Variants in CLVS1 observed in about 807,000 individuals in gnomAD.
CLVS1 encodes the protein clavesin-1.
In CLVS1, 10 loss-of-function variants were observed where a neutral mutation model predicts 33.1. That is an observed-to-expected ratio of 0.30 (90% CI 0.19 to 0.51). The LOEUF (loss-of-function observed/expected upper bound fraction) is 0.51. CLVS1 is among the 20% of genes least tolerant of loss of function. The pLI is 0.97. For synonymous variants in CLVS1, 163 were observed against 166.1 expected (o/e 0.98, Z 0.14); for missense variants, 343 against 433.4 (o/e 0.79, Z 1.85).
chr8:61,253,566 C>A (rs1048401951), intron 2 of CLVS1, among the ~76,000 whole-genome samples: 1 of 152,144 alleles, frequency 6.6e-6, no homozygotes, highest in African/African-American at 2.4e-5. Flanking sequence ...ACCAATCAGA[C>A]GTAGATTTGG....
rs765358356 is a variant in CLVS1 at position 61,454,114 on chromosome 8, G to A, written c.631-27G>A. ...TCTAACAAGGTGTGCTTACTAATCG[G>A]TGTGCATTTCTCTCTTTCTGCCCCA... On this transcript the variant is annotated intron_variant, in intron 3 of 5. Coordinates refer to ENST00000325897, the MANE Select transcript of CLVS1 (RefSeq NM_173519.3). The A allele has an allele frequency of 2.7e-6, 4 of 1,484,892 alleles. No homozygotes were observed. In the African/African-American group the frequency reaches 5.5e-5, roughly 21 times the overall value. 92.0% of individuals were successfully genotyped at this position (1,484,892 alleles called of 1,614,324 possible).
chr8:61,268,108 T>C (rs1809350282), intron 2 of CLVS1, among the ~76,000 whole-genome samples: 1 of 151,894 alleles, frequency 6.6e-6, no homozygotes, highest in Non-Finnish European at 1.5e-5. Context: ...GCTGGTGCAC[T>C]GCACCCACTA....
upstream of CLVS1, among the ~76,000 whole-genome samples, chr8:61,053,470 T>C (rs927895799): frequency 1.3e-5 from 2 of 152,186 alleles, no homozygotes; most frequent in African/African-American, 4.8e-5. Flanking sequence ...ATGTCAACTA[T>C]GATAAGGTCT....
the CLVS1 span, among the ~76,000 whole-genome samples, chr8:61,008,961 C>T: frequency 6.6e-6 from 1 of 152,156 alleles, no homozygotes; most frequent in Admixed American, 6.5e-5. Context: ...ATATCTGAAT[C>T]TATATCTATA....
the CLVS1 span, among the ~76,000 whole-genome samples, chr8:61,001,159 T>C: frequency 2.0e-5 from 3 of 152,338 alleles, no homozygotes; most frequent in African/African-American, 7.2e-5. Flanking sequence ...TTTTTTGGTC[T>C]TATTTTTGAG....
intron 2 of CLVS1, among the ~76,000 whole-genome samples, chr8:61,317,273 C>CCT (rs1811046379): frequency 6.6e-6 from 1 of 152,096 alleles, no homozygotes. Context: ...AATGTTGTGT[C>CCT]CTCACATGGC....
intron 2 of CLVS1, among the ~76,000 whole-genome samples, chr8:61,315,125 A>G (rs1391980035): frequency 6.6e-6 from 1 of 152,142 alleles, no homozygotes; most frequent in Non-Finnish European, 1.5e-5. Context: ...TTCATGTACT[A>G]TGTCCGTCTC....
At chr8:61,258,616 A>G (rs757900490) in intron 2 of CLVS1, among the ~76,000 whole-genome samples, 1 of 152,182 alleles carries the variant, frequency 6.6e-6, no homozygotes, top group Non-Finnish European at 1.5e-5. Flanking sequence ...CCGAGACTCC[A>G]GAACAGGTTA....
intron 5 of CLVS1, among the ~76,000 whole-genome samples, chr8:61,469,025 A>G (rs1817651523): frequency 6.6e-6 from 1 of 152,174 alleles, no homozygotes. Flanking sequence ...AGGTGGAGTG[A>G]CCTCGAAGAA....
intron 3 of CLVS1, among the ~76,000 whole-genome samples, chr8:61,399,420 A>C (rs1424436348): frequency 6.6e-6 from 1 of 152,026 alleles, no homozygotes; most frequent in Admixed American, 6.6e-5. Flanking sequence ...AAATTTGTGT[A>C]AGTTCCTTGT....
chr8:61,489,067 C>G (rs944048035), intron 5 of CLVS1, among the ~76,000 whole-genome samples: 2 of 152,048 alleles, frequency 1.3e-5, no homozygotes, highest in Admixed American at 1.3e-4. Flanking sequence ...TAAATAATAC[C>G]CTGCTGGTGA....
chr8:61,285,514 T>C (rs1365947823), upstream of CLVS1, among the ~76,000 whole-genome samples: 5 of 152,206 alleles, frequency 3.3e-5, no homozygotes. Context: ...AATGAACCCC[T>C]TTGTGCATAA....
At chr8:61,240,894 G>GTTTT (rs549955338) in intron 2 of CLVS1, among the ~76,000 whole-genome samples, 6 of 130,616 alleles carry the variant, frequency 4.6e-5, no homozygotes, top group African/African-American at 1.6e-4. Flanking sequence ...TTTGCTGTAG[G>GTTTT]TTTTTTTTTT....
At chr8:61,198,196 T>A (rs1807655910) in intron 2 of CLVS1, among the ~76,000 whole-genome samples, 2 of 152,220 alleles carry the variant, frequency 1.3e-5, no homozygotes, top group Non-Finnish European at 2.9e-5. Flanking sequence ...ATTATATTAA[T>A]GGAAATCTAA....
chr8:60,989,646 G>C, the CLVS1 span, among the ~76,000 whole-genome samples: 1 of 152,116 alleles, frequency 6.6e-6, no homozygotes, highest in East Asian at 1.9e-4. Context: ...CTATCCCACT[G>C]TATAATCAAA....
At chr8:61,348,554 C>T (rs949650387) in intron 2 of CLVS1, among the ~76,000 whole-genome samples, 2 of 152,110 alleles carry the variant, frequency 1.3e-5, no homozygotes, top group Non-Finnish European at 2.9e-5. Flanking sequence ...GACAGGATTT[C>T]CTACTTTTTA....
chr8:60,974,976 C>T, the CLVS1 span, among the ~76,000 whole-genome samples: 1 of 152,270 alleles, frequency 6.6e-6, no homozygotes, highest in Non-Finnish European at 1.5e-5. Flanking sequence ...ATTTGAGTGG[C>T]TTGGACTGGA....
chr8:61,381,427 G>A (rs1248378414), intron 3 of CLVS1, among the ~76,000 whole-genome samples: 2 of 151,958 alleles, frequency 1.3e-5, no homozygotes, highest in Non-Finnish European at 2.9e-5. Context: ...CGAGAATTAC[G>A]TTTTTTTCCT....
chr8:61,054,114 T>C (rs143342451), upstream of CLVS1, among the ~76,000 whole-genome samples: 1 of 152,210 alleles, frequency 6.6e-6, no homozygotes, highest in African/African-American at 2.4e-5. Context: ...TCCTCAATAG[T>C]GGGAGTGCAG....
Sources: gnomAD v4.1 joint callset for allele counts (sites outside exome capture counted in the v4.1 genomes callset) on GRCh38, gnomAD v4.1.1 for gene constraint, MANE v1.5 for transcripts, NCBI Gene and HGNC (gene_info 2026-07-23, HGNC 2026-07-21) for gene names.